IQCM: variants seen among roughly 807,000 people sequenced by gnomAD.
IQCM encodes the protein IQ domain-containing protein M.
In IQCM, 45 loss-of-function variants were observed where a neutral mutation model predicts 57.6. The ratio of observed to expected loss-of-function variants is 0.78; its 90% confidence interval spans 0.62 to 1.00. IQCM has a LOEUF of 1.00. Among genes scored for constraint, IQCM ranks in the 50% least tolerant of loss-of-function variants. The probability of loss-of-function intolerance (pLI) is 0.00; values close to 1 mark genes in which losing one functional copy is unlikely to be tolerated. For synonymous variants in IQCM, 148 were observed against 158.9 expected, an observed-to-expected ratio of 0.93 and a Z score of 0.51; for missense variants, 468 against 511.6, an observed-to-expected ratio of 0.91 and a Z score of 0.82.
chr4:149,492,517 G>T (rs1579249700), intron 12 of IQCM, among the ~76,000 whole-genome samples: 2 of 152,150 alleles, frequency 1.3e-5, no homozygotes, highest in East Asian at 3.9e-4. Flanking sequence ...TTCAGTTAAT[G>T]GTAACACTAT....
At chr4:149,509,334 G>A (rs1188883808) in intron 12 of IQCM, among the ~76,000 whole-genome samples, 1 of 151,942 alleles carries the variant, frequency 6.6e-6, no homozygotes, top group Non-Finnish European at 1.5e-5. Context: ...CTGGGGTGCA[G>A]TGACACAACC....
chr4:149,782,617 A>AT (rs1771711959), intron 2 of IQCM, among the ~76,000 whole-genome samples: 1 of 145,764 alleles, frequency 6.9e-6, no homozygotes, highest in Non-Finnish European at 1.5e-5. Flanking sequence ...AGAAAAAAAA[A>AT]GTGGGGGTGG....
intron 9 of IQCM, among the ~76,000 whole-genome samples, chr4:149,567,325 T>G (rs147978687): frequency 4.6e-5 from 7 of 152,162 alleles, no homozygotes; most frequent in African/African-American, 1.4e-4. Context: ...TTTCCCACAT[T>G]CAAGTTCCAA....
chr4:149,786,442 C>G (rs1328781753), intron 2 of IQCM, among the ~76,000 whole-genome samples: 1 of 152,046 alleles, frequency 6.6e-6, no homozygotes, highest in Non-Finnish European at 1.5e-5. Flanking sequence ...AAGAACAGAA[C>G]CACCCCAAAG....
intron 12 of IQCM, among the ~76,000 whole-genome samples, chr4:149,458,860 G>A (rs1043330274): frequency 1.3e-5 from 2 of 152,046 alleles, no homozygotes; most frequent in African/African-American, 2.4e-5. Flanking sequence ...AAAATACTAG[G>A]TTTCAGGATT....
At chr4:149,646,875 T>TC (rs1308763008) in intron 7 of IQCM, among the ~76,000 whole-genome samples, 1 of 152,118 alleles carries the variant, frequency 6.6e-6, no homozygotes, top group Admixed American at 6.5e-5. Flanking sequence ...TCTCAGCTAC[T>TC]CAGGAGGCTG....
intron 7 of IQCM, among the ~76,000 whole-genome samples, chr4:149,631,550 C>A (rs967050768): frequency 6.6e-6 from 1 of 152,154 alleles, no homozygotes; most frequent in Middle Eastern, 3.4e-3. Flanking sequence ...TACATTATAA[C>A]TGTATTGTAA....
rs528825283 is a variant in IQCM, at chr4:149,554,577, G to A, written c.949-1290C>T. Among the ~76,000 whole-genome samples, 38 of 152,116 alleles carry A rather than the reference G, an allele frequency of 2.5e-4. No homozygotes were observed. In the East Asian group the frequency reaches 4.6e-3, roughly 19 times the overall value. On this transcript the variant is annotated intron_variant, in intron 10 of 13. Coordinates refer to ENST00000636793, the MANE Select transcript of IQCM (RefSeq NM_001363507.2). ...GATCTGCCCACCTCGGCCTCCCAAA[G>A]TGCTGGGATTACAGGCATGAGCCAC...
At chr4:149,442,040 T>G (rs75742438) in intron 12 of IQCM, among the ~76,000 whole-genome samples, 1,572 of 152,260 alleles carry the variant, frequency 0.01, 32 homozygotes, top group African/African-American at 0.036. Flanking sequence ...AATACCTATC[T>G]GTTCCTTATA....
intron 8 of IQCM, among the ~76,000 whole-genome samples, chr4:149,594,550 G>A (rs1753567950): frequency 6.6e-6 from 1 of 152,112 alleles, no homozygotes; most frequent in East Asian, 1.9e-4. Context: ...GTGATGTTGG[G>A]GTGTCAATTT....
intron 13 of IQCM, among the ~76,000 whole-genome samples, chr4:149,380,497 T>C (rs1470491762): frequency 6.6e-6 from 1 of 152,130 alleles, no homozygotes; most frequent in Admixed American, 6.6e-5. Context: ...AATTTTATAA[T>C]ACTGGTGCTT....
intron 5 of IQCM, among the ~76,000 whole-genome samples, chr4:149,724,741 A>G (rs1188665838): frequency 6.6e-6 from 1 of 152,102 alleles, no homozygotes; most frequent in Non-Finnish European, 1.5e-5. Flanking sequence ...AACTCAAAAT[A>G]GACGTAAATA....
chr4:149,769,813 G>A (rs1770403638), intron 2 of IQCM, among the ~76,000 whole-genome samples: 4 of 151,966 alleles, frequency 2.6e-5, no homozygotes, highest in Admixed American at 2.6e-4. Context: ...AAACTGCAAA[G>A]AGAAATACGC....
At chr4:149,648,572 T>TG (rs1361785216) in intron 7 of IQCM, among the ~76,000 whole-genome samples, 2 of 152,250 alleles carry the variant, frequency 1.3e-5, no homozygotes, top group East Asian at 3.8e-4. Flanking sequence ...ATGGGATGGC[T>TG]GGGTCAAATG....
At chr4:149,486,418 C>T (rs1458168089) in intron 12 of IQCM, among the ~76,000 whole-genome samples, 1 of 152,048 alleles carries the variant, frequency 6.6e-6, no homozygotes, top group Admixed American at 6.6e-5. Flanking sequence ...CTGTTGCCAC[C>T]ACCACCACCA....
intron 8 of IQCM, among the ~76,000 whole-genome samples, chr4:149,603,305 G>T (rs1358746917): frequency 6.6e-6 from 1 of 152,054 alleles, no homozygotes; most frequent in African/African-American, 2.4e-5. Flanking sequence ...AAAAGGCAAA[G>T]GTTAAAAGTT....
chr4:149,471,137 A>T (rs920279190), intron 12 of IQCM, among the ~76,000 whole-genome samples: 2 of 152,200 alleles, frequency 1.3e-5, no homozygotes, highest in African/African-American at 4.8e-5. Flanking sequence ...ACTGAAGGAG[A>T]TAGAGACCCA....
chr4:149,694,984 A>G (rs1464971905), intron 5 of IQCM, among the ~76,000 whole-genome samples: 1 of 152,214 alleles, frequency 6.6e-6, no homozygotes, highest in African/African-American at 2.4e-5. Flanking sequence ...TGAAACTTAA[A>G]AATTTTAAAG....
intron 3 of IQCM, among the ~76,000 whole-genome samples, chr4:149,737,445 A>C (rs891738299): frequency 7.9e-5 from 12 of 152,242 alleles, no homozygotes; most frequent in African/African-American, 2.9e-4. Context: ...ATTAATGGTA[A>C]GAACTTGGTA....
Sources: gnomAD v4.1 joint callset for allele counts (sites outside exome capture counted in the v4.1 genomes callset) on GRCh38, gnomAD v4.1.1 for gene constraint, MANE v1.5 for transcripts, NCBI Gene and HGNC (gene_info 2026-07-23, HGNC 2026-07-21) for gene names.